Variants in OTOF observed in about 807,000 individuals in gnomAD.
OTOF encodes fer-1-like family member 2.
Under a neutral mutation model 236.8 loss-of-function variants are expected in OTOF, and 218 were observed. The observed-to-expected ratio is 0.92, with a 90% CI of 0.82 to 1.03. The LOEUF (loss-of-function observed/expected upper bound fraction) is 1.03. OTOF is among the 50% of genes least tolerant of loss of function. The pLI is 0.00. For missense variants in OTOF, 2,590 were observed against 2,694.4 expected (o/e 0.96, Z 0.86); for synonymous variants, 1,041 against 1,072.5 (o/e 0.97, Z 0.57).
At chr2:26,539,658 C>T (rs1667163645) in intron 1 of OTOF, among the ~76,000 whole-genome samples, 1 of 152,148 alleles carries the variant, frequency 6.6e-6, no homozygotes, top group South Asian at 2.1e-4. Flanking sequence ...TCGCTTGAAC[C>T]CAGGAGGCGG....
intron 8 of OTOF, among the ~76,000 whole-genome samples, chr2:26,501,142 C>G (rs1386671970): frequency 1.3e-5 from 2 of 152,206 alleles, no homozygotes; most frequent in Non-Finnish European, 2.9e-5. Context: ...ACCAGACATG[C>G]TCATCACCTG....
chr2:26,458,667 A>T (rs1263337509), intron 46 of OTOF, among the ~76,000 whole-genome samples: 1 of 152,112 alleles, frequency 6.6e-6, no homozygotes, highest in East Asian at 1.9e-4. Flanking sequence ...GCCCTCACCG[A>T]CCTGCCCACT....
At chr2:26,458,627 G>A (rs1366881257) in intron 46 of OTOF, among the ~76,000 whole-genome samples, 1 of 152,130 alleles carries the variant, frequency 6.6e-6, no homozygotes, top group African/African-American at 2.4e-5. Flanking sequence ...CCCTGCTGAG[G>A]GTCTGAGCAG....
chr2:26,492,622 G>T (rs1015374212), intron 9 of OTOF, among the ~76,000 whole-genome samples: 2 of 152,148 alleles, frequency 1.3e-5, no homozygotes, highest in African/African-American at 2.4e-5. Context: ...GATGCTCAGT[G>T]GATGTTTGTG....
Position 26,462,393 on chromosome 2 carries a change from G to T in OTOF, c.5193-212C>A, listed in dbSNP as rs1008155797. On this transcript the variant is annotated intron_variant, in intron 41 of 46. Coordinates refer to ENST00000272371, the MANE Select transcript of OTOF (RefSeq NM_194248.3). This position sits in a 1 kb window ranked among gnomAD's most constrained non-coding sequence, Gnocchi z 4.7. ...AGGCACATGGCTGTGGGCGGTGGGG[G>T]TGGGGTGAGGGGAGGAAGCCACCCT... is the stretch of plus-strand genomic sequence containing the variant. Among the ~76,000 whole-genome samples, 41 of 152,210 alleles carry T rather than the reference G, an allele frequency of 2.7e-4. No homozygotes were observed. Among genetic ancestry groups the T allele is most frequent in the African/African-American group, 8.9e-4 (37 of 41,536 alleles).
intron 3 of OTOF, among the ~76,000 whole-genome samples, chr2:26,524,383 C>T (rs577872194): frequency 3.9e-5 from 6 of 152,308 alleles, no homozygotes; most frequent in African/African-American, 1.4e-4. Flanking sequence ...GTGGCATGCA[C>T]CTGTAGTCCC....
Position 26,475,463 on chromosome 2 carries a change from C to A in OTOF, c.3022G>T (p.Asp1008Tyr). The A allele has an allele frequency of 6.2e-7, 1 of 1,613,056 alleles. No individual in the cohort carries two copies. Among genetic ancestry groups the A allele is most frequent in the Non-Finnish European group, 8.5e-7 (1 of 1,179,912 alleles). Residue 1008 changes from aspartate (D) to tyrosine (Y), a missense_variant, in exon 25 of 47, where the codon GAC becomes TAC. Asp to Tyr is a radical substitution (Grantham distance 160, BLOSUM62 -3). Coordinates refer to ENST00000272371, the MANE Select transcript of OTOF (RefSeq NM_194248.3). Reference protein sequence around the residue: ...VLNETLCPTWDQMLVFDNLEL... With the variant: ...VLNETLCPTWYQMLVFDNLEL... Reference sequence around the variant, plus strand: ...AGGTTGTCGAACACCAGCATCTGGTCCCAGGTGGGACACAGGGTCTCATTC... The same window carrying A: ...AGGTTGTCGAACACCAGCATCTGGTACCAGGTGGGACACAGGGTCTCATTC...
chr2:26,482,915 GC>G lies in OTOF; in HGVS notation c.1393-324del, dbSNP rs1482645420. Among the ~76,000 whole-genome samples the G allele has an allele frequency of 5.3e-5, 8 of 151,246 alleles. No homozygotes were observed. In the East Asian group the frequency reaches 1.6e-3, roughly 30 times the overall value. Reference sequence around the variant, plus strand: ...TGCGTGTGTTAATGGGTGCATGTGTGCGTGTGAGTGGGTGCATGTATGTATT... The same window carrying G: ...TGCGTGTGTTAATGGGTGCATGTGTGGTGTGAGTGGGTGCATGTATGTATT... On this transcript the variant is annotated intron_variant, in intron 13 of 46. Transcript: ENST00000272371.
At position 26,472,526 on chromosome 2, in the gene OTOF, A is replaced by G; in HGVS notation, c.3857T>C (p.Leu1286Pro). 5 of 1,613,530 alleles carry G rather than the reference A, an allele frequency of 3.1e-6. No homozygotes were observed. Among genetic ancestry groups the G allele is most frequent in the Non-Finnish European group, 4.2e-6 (5 of 1,180,020 alleles). The change falls in exon 30 of 47, where the codon CTG becomes CCG. Residue 1286 changes from leucine (L) to proline (P), a missense_variant. Coordinates refer to ENST00000272371, the MANE Select transcript of OTOF (RefSeq NM_194248.3). ...PIKKLETMVK[L>P]DATSEAVVKV... Reference sequence around the variant, plus strand: ...TGACCCCACCCGCCTTACCGCGTCCAGCTTCACCATGGTCTCCAGTTTCTT... The same window carrying G: ...TGACCCCACCCGCCTTACCGCGTCCGGCTTCACCATGGTCTCCAGTTTCTT...
At chr2:26,485,631 A>T (rs764742603) in intron 11 of OTOF, among the ~76,000 whole-genome samples, 7 of 152,074 alleles carry the variant, frequency 4.6e-5, no homozygotes, top group South Asian at 4.1e-4. Flanking sequence ...GCTTCCCGGG[A>T]TGTTAGGTGG....
chr2:26,550,064 T>A (rs546700394), intron 1 of OTOF, among the ~76,000 whole-genome samples: 1 of 151,780 alleles, frequency 6.6e-6, no homozygotes, highest in South Asian at 2.1e-4. Context: ...GTAAAAATAT[T>A]GTGGAAACTG....
Position 26,528,864 on chromosome 2 carries a change from G to A in OTOF, c.139-944C>T, listed in dbSNP as rs376021383. 5.3e-5 allele frequency among the ~76,000 whole-genome samples: 8 copies of A among 152,358 alleles called. No individual in the cohort carries two copies. The East Asian group carries it at 7.7e-4, about 15-fold the overall frequency. On this transcript the variant is annotated intron_variant, in intron 2 of 46. Transcript: ENST00000272371. ...GTACTTCTTGGGGAAACAGCTCATG[G>A]TGATTAGATACCTGCAAGAGGGGCA...
chr2:26,500,543 C>T (rs1666091493), intron 8 of OTOF, among the ~76,000 whole-genome samples: 1 of 152,148 alleles, frequency 6.6e-6, no homozygotes, highest in East Asian at 1.9e-4. Context: ...TGGGTTTTGG[C>T]AGAGGTGAGG....
At chr2:26,554,595 A>G (rs1319893860) in intron 1 of OTOF, among the ~76,000 whole-genome samples, 1 of 152,194 alleles carries the variant, frequency 6.6e-6, no homozygotes, top group Admixed American at 6.5e-5. Flanking sequence ...AGGAGGTAGC[A>G]TATGAGCTGG....
chr2:26,472,410 G>A, intron 30 of OTOF, 109 bp downstream of exon 30: 1 of 1,384,042 alleles, frequency 7.2e-7, no homozygotes, highest in Non-Finnish European at 1.0e-6. Context: ...ACATGCCAAA[G>A]GAGGCTCTTA....
rs750753691 is a variant in OTOF, at chr2:26,474,119, T to G, written c.3289-9A>C. 6.2e-7 allele frequency: 1 copy of G among 1,612,732 alleles called. No homozygotes were observed. The highest frequency in any genetic ancestry group is 2.2e-5 in the East Asian group (1 of 44,878). Reference sequence around the variant, plus strand: ...TTCCCTGCTGGTCCAATCTGGGGAATGGGGGTCACAGGTCACACACTGGGG... The same window carrying G: ...TTCCCTGCTGGTCCAATCTGGGGAAGGGGGGTCACAGGTCACACACTGGGG... On this transcript the variant is annotated splice_polypyrimidine_tract_variant and intron_variant, in intron 26 of 46. Coordinates refer to ENST00000272371, the MANE Select transcript of OTOF (RefSeq NM_194248.3).
intron 5 of OTOF, chr2:26,510,704 C>G (rs1666364191): frequency 7.8e-7 from 1 of 1,289,072 alleles, no homozygotes; most frequent in Non-Finnish European, 1.0e-6. Flanking sequence ...GGGACACCTA[C>G]TTGTGCTCGT....
intron 46 of OTOF, among the ~76,000 whole-genome samples, chr2:26,459,430 T>C (rs1400107386): frequency 2.0e-5 from 3 of 151,894 alleles, no homozygotes; most frequent in Admixed American, 1.3e-4. Context: ...CGGGTGCCTG[T>C]AGTCCCAGCT....
intron 5 of OTOF, among the ~76,000 whole-genome samples, chr2:26,515,451 T>C (rs890873620): frequency 6.6e-6 from 1 of 152,244 alleles, no homozygotes; most frequent in Non-Finnish European, 1.5e-5. Context: ...CTCATGCACC[T>C]GTGTGTGAGG....
Sources: gnomAD v4.1 joint callset for allele counts (sites outside exome capture counted in the v4.1 genomes callset) on GRCh38, gnomAD v4.1.1 for gene constraint, Gnocchi (gnomAD v3.1) non-coding constraint, MANE v1.5 for transcripts, NCBI Gene and HGNC (gene_info 2026-07-23, HGNC 2026-07-21) for gene names.